SHISA9: variants seen among roughly 807,000 people sequenced by gnomAD.
The protein encoded by SHISA9 is shisa family member 9, also known as protein shisa-9.
In SHISA9, 13 loss-of-function variants were observed where a neutral mutation model predicts 38.0. The observed-to-expected ratio is 0.34, with a 90% CI of 0.22 to 0.54. SHISA9 has a LOEUF of 0.54. Ranked by LOEUF, SHISA9 falls within the 20% of genes least tolerant of loss-of-function variation. The pLI is 0.91. For synonymous variants in SHISA9, 275 were observed against 242.0 expected, an observed-to-expected ratio of 1.14 and a Z score of -1.27; for missense variants, 538 against 575.8, an observed-to-expected ratio of 0.93 and a Z score of 0.67.
chr16:13,288,714 C>T, the SHISA9 span, among the ~76,000 whole-genome samples: 8 of 152,132 alleles, frequency 5.3e-5, no homozygotes, highest in South Asian at 1.7e-3. Context: ...TAGCTTGAAC[C>T]CAGGAGGCAG....
chr16:13,376,639 C>G, the SHISA9 span, among the ~76,000 whole-genome samples: 1 of 152,076 alleles, frequency 6.6e-6, no homozygotes, highest in Non-Finnish European at 1.5e-5. Context: ...ATTTCTGTTT[C>G]CAGGGGTGGA....
In SHISA9 at chr16:13,069,183, T is replaced by C. The variant is rs111209281; in HGVS notation, c.692-134211T>C. ...TATATATGTGTGTACATGCAATGTG[T>C]ATATGTGTATACATGTGTACATGCA... is the stretch of plus-strand genomic sequence containing the variant. On this transcript the variant is annotated intron_variant, in intron 2 of 4. Transcript: ENST00000558583. Among the ~76,000 whole-genome samples, 10 of 142,854 alleles carry C rather than the reference T, an allele frequency of 7.0e-5. No homozygotes were observed. The South Asian group carries it at 2.1e-3, about 30-fold the overall frequency. 93.7% of individuals were successfully genotyped at this position (142,854 alleles called of 152,430 possible). A position where few individuals can be genotyped will look rare whatever the true frequency, so the allele number is the denominator to read the frequency against.
chr16:13,254,264 C>T, the SHISA9 span, among the ~76,000 whole-genome samples: 49 of 152,296 alleles, frequency 3.2e-4, no homozygotes, highest in East Asian at 9.7e-4. Context: ...AGCCAAGCAG[C>T]TAGAAATTGG....
the SHISA9 span, among the ~76,000 whole-genome samples, chr16:13,506,085 G>A: frequency 2.0e-5 from 3 of 152,170 alleles, no homozygotes; most frequent in Non-Finnish European, 2.9e-5. Flanking sequence ...TAAAGAATTA[G>A]CTAAACCCCA....
At position 13,239,981 on chromosome 16, in the gene SHISA9, A is replaced by C. The variant is rs1261797321; in HGVS notation, c.*4572A>C. On this transcript the variant is annotated 3_prime_UTR_variant, in exon 5 of 5. Transcript: ENST00000558583. Reference sequence around the variant, plus strand: ...CTATAGCTAGGGTAGTGAGACCTAGAAGAGAGAAACCAGAACAAAGCAGAC... The same window carrying C: ...CTATAGCTAGGGTAGTGAGACCTAGCAGAGAGAAACCAGAACAAAGCAGAC... 1 of 152,240 alleles carries C rather than the reference A, an allele frequency of 6.6e-6. No individual in the cohort carries two copies. The highest frequency in any genetic ancestry group is 2.4e-5 in the African/African-American group (1 of 41,454). The allele number at this position is 152,240 out of a possible 1,614,324, so 9.4% of individuals were successfully genotyped here. A position where few individuals can be genotyped will look rare whatever the true frequency, so the allele number is the denominator to read the frequency against.
the SHISA9 span, among the ~76,000 whole-genome samples, chr16:13,369,983 T>C: frequency 6.6e-6 from 1 of 152,146 alleles, no homozygotes; most frequent in Non-Finnish European, 1.5e-5. Flanking sequence ...GGTATAAATA[T>C]ACCACATTTT....
At chr16:13,549,934 A>T in the SHISA9 span, among the ~76,000 whole-genome samples, 3 of 151,998 alleles carry the variant, frequency 2.0e-5, no homozygotes, top group African/African-American at 7.3e-5. Flanking sequence ...GAGGCAGGAG[A>T]ATCGCTTGAA....
In SHISA9 at chr16:13,042,455, C is replaced by G. The variant is rs559418081; in HGVS notation, c.691+125640C>G. Reference sequence around the variant, plus strand: ...GACCCAGGCTTCCCAAACAGAGACACTCTTTGTAAGTATTTTACCAGGCTC... The same window carrying G: ...GACCCAGGCTTCCCAAACAGAGACAGTCTTTGTAAGTATTTTACCAGGCTC... On this transcript the variant is annotated intron_variant, in intron 2 of 4. Transcript: ENST00000558583. 1.2e-3 allele frequency among the ~76,000 whole-genome samples: 177 copies of G among 152,314 alleles called. 3 individuals carry two copies. The highest frequency in any genetic ancestry group is 3.9e-3 in the African/African-American group (164 of 41,568).
intron 2 of SHISA9, among the ~76,000 whole-genome samples, chr16:13,119,404 A>G (rs2074063304): frequency 6.6e-6 from 1 of 152,136 alleles, no homozygotes; most frequent in Non-Finnish European, 1.5e-5. Context: ...TTGATTTTTG[A>G]GCCAGTCTCA....
chr16:13,020,891 G>A (rs527994210), intron 2 of SHISA9, among the ~76,000 whole-genome samples: 14 of 152,278 alleles, frequency 9.2e-5, no homozygotes, highest in Admixed American at 2.6e-4. Flanking sequence ...AGCATTATAC[G>A]CAAGGGCAAA....
Position 13,200,997 on chromosome 16 carries a change from G to T in SHISA9, c.692-2397G>T, listed in dbSNP as rs549257551. Among the ~76,000 whole-genome samples, 6 of 135,210 alleles carry T rather than the reference G, an allele frequency of 4.4e-5. No individual in the cohort carries two copies. In the South Asian group the frequency reaches 1.4e-3, roughly 31 times the overall value. 88.7% of individuals were successfully genotyped at this position (135,210 alleles called of 152,430 possible). A position where few individuals can be genotyped will look rare whatever the true frequency, so the allele number is the denominator to read the frequency against. ...GGGGTTCAGATGCATGTGACTTTGA[G>T]GGAGTGTTCTTCAGGTAACAAATAA... On this transcript the variant is annotated intron_variant, in intron 2 of 4. Transcript: ENST00000558583.
intron 2 of SHISA9, among the ~76,000 whole-genome samples, chr16:13,086,737 C>G (rs1188013285): frequency 6.6e-6 from 1 of 152,132 alleles, no homozygotes; most frequent in Non-Finnish European, 1.5e-5. Context: ...AAACAACCAC[C>G]AATGGATGGA....
At chr16:13,408,777 C>G in the SHISA9 span, among the ~76,000 whole-genome samples, 1 of 152,296 alleles carries the variant, frequency 6.6e-6, no homozygotes, top group East Asian at 1.9e-4. Context: ...ATACCACCCC[C>G]AGTCCTGCTG....
At chr16:12,953,822 T>C (rs888274170) in intron 2 of SHISA9, among the ~76,000 whole-genome samples, 1 of 152,108 alleles carries the variant, frequency 6.6e-6, no homozygotes, top group Admixed American at 6.5e-5. Flanking sequence ...ACAATCGTGG[T>C]GGAAGGCAAA....
chr16:13,262,679 A>AGGGAGGGAGGAC, the SHISA9 span, among the ~76,000 whole-genome samples: 1 of 104,550 alleles, frequency 9.6e-6, no homozygotes. Flanking sequence ...GAAGGGAGGG[A>AGGGAGGGAGGAC]GGAAGGAAGG....
At chr16:13,503,147 T>C in the SHISA9 span, among the ~76,000 whole-genome samples, 1 of 152,162 alleles carries the variant, frequency 6.6e-6, no homozygotes, top group Non-Finnish European at 1.5e-5. Context: ...GTTGGAATGA[T>C]AAAGCAAAAG....
At chr16:12,998,354 T>A (rs1271457465) in intron 2 of SHISA9, among the ~76,000 whole-genome samples, 1 of 152,130 alleles carries the variant, frequency 6.6e-6, no homozygotes, top group Non-Finnish European at 1.5e-5. Context: ...TTGAGGCAGG[T>A]GTTCTTGGCT....
the SHISA9 span, among the ~76,000 whole-genome samples, chr16:13,413,150 A>T: frequency 6.6e-6 from 1 of 152,152 alleles, no homozygotes; most frequent in African/African-American, 2.4e-5. Context: ...GGAGTTTATA[A>T]CATTTTCCAA....
chr16:13,519,115 A>C, the SHISA9 span, among the ~76,000 whole-genome samples: 2 of 152,212 alleles, frequency 1.3e-5, no homozygotes, highest in Admixed American at 1.3e-4. Context: ...GAAAGAAAAA[A>C]ACCTCTAAAT....
Sources: allele counts gnomAD v4.1 joint callset (sites outside exome capture counted in the v4.1 genomes callset), GRCh38; gene constraint gnomAD v4.1.1; transcripts MANE v1.5; gene names NCBI Gene and HGNC (gene_info 2026-07-23, HGNC 2026-07-21).